PGM2: variants seen among roughly 807,000 people sequenced by gnomAD.
PGM2 encodes the protein phosphopentomutase.
PGM2 carries 57 observed loss-of-function variants against 74.6 expected under a neutral mutation model. The observed-to-expected ratio is 0.76, with a 90% CI of 0.62 to 0.95. The LOEUF is 0.95. Ranked by LOEUF, PGM2 falls within the 40% of genes least tolerant of loss-of-function variation. The probability of loss-of-function intolerance (pLI) is 0.00; values close to 1 mark genes in which losing one functional copy is unlikely to be tolerated. For synonymous variants in PGM2, 273 were observed against 260.7 expected (o/e 1.05, Z -0.46); for missense variants, 706 against 741.9 (o/e 0.95, Z 0.56).
chr4:37,846,962 T>C lies in PGM2; in HGVS notation c.1039T>C (p.Leu347=), dbSNP rs368033914. ...ATGGAGGGTGTTTTCAGGCAATGAG[T>C]TGGGGGCCCTCCTGGGCTGGTGGCT... The part of the protein sequence containing the change: ...GEWRVFSGNE[L]GALLGWWLFT... The change falls in exon 9 of 14, where the codon TTG becomes CTG. Residue 347 remains leucine, a synonymous_variant. Coordinates refer to ENST00000381967, the MANE Select transcript of PGM2 (RefSeq NM_018290.4). 1.5e-5 allele frequency: 25 copies of C among 1,613,402 alleles called. No individual in the cohort carries two copies. Among genetic ancestry groups the C allele is most frequent in the Non-Finnish European group, 1.9e-5 (23 of 1,179,766 alleles).
intron 2 of PGM2, among the ~76,000 whole-genome samples, chr4:37,833,719 A>G (rs924324063): frequency 2.6e-5 from 4 of 152,222 alleles, no homozygotes; most frequent in African/African-American, 9.6e-5. Context: ...TAAAACAGCA[A>G]ACACTTAATA....
chr4:37,850,450 A>G (rs1296035635), intron 12 of PGM2, 77 bp downstream of exon 12: 1 of 891,282 alleles, frequency 1.1e-6, no homozygotes, highest in African/African-American at 1.8e-5. Flanking sequence ...TTATTTAACC[A>G]TACAATTAAT....
rs550223723 is a variant in PGM2, at chr4:37,848,402, A to G, written c.1283-120A>G. The G allele has an allele frequency of 1.3e-4, 102 of 795,720 alleles. No homozygotes were observed. The African/African-American group carries it at 1.6e-3, about 13-fold the overall frequency. The allele number at this position is 795,720 out of a possible 1,614,324, so 49.3% of individuals were successfully genotyped here. On this transcript the variant is annotated intron_variant, in intron 10 of 13. Coordinates refer to ENST00000381967, the MANE Select transcript of PGM2 (RefSeq NM_018290.4). ...CTAAATTCCTAAACATAAGGTATTA[A>G]TGAGAAATGTGCATACACGCAACAC...
chr4:37,850,628 C>G (rs1409351005), intron 12 of PGM2, among the ~76,000 whole-genome samples: 3 of 151,994 alleles, frequency 2.0e-5, no homozygotes, highest in Non-Finnish European at 4.4e-5. Flanking sequence ...CGGCAAAACC[C>G]GGTCTCTATT....
chr4:37,855,628 C>T lies in PGM2; in HGVS notation c.1623C>T (p.Ser541=), dbSNP rs552157667. The change falls in exon 13 of 14, where the codon AGC becomes AGT. Residue 541 remains serine, a synonymous_variant. Transcript: ENST00000381967. The part of the protein sequence containing the change: ...DKKAVLPTSK[S]SQMITFTFAN... ...CCTAGGTTCTTCCCACTAGTAAAAG[C>T]AGCCAAATGATCACCTTCACCTTTG... 1 of 1,613,716 alleles carries T rather than the reference C, an allele frequency of 6.2e-7. No homozygotes were observed. The highest frequency in any genetic ancestry group is 1.7e-5 in the Admixed American group (1 of 59,938).
At chr4:37,830,500 T>C (rs1725412600) in intron 2 of PGM2, among the ~76,000 whole-genome samples, 1 of 152,232 alleles carries the variant, frequency 6.6e-6, no homozygotes, top group South Asian at 2.1e-4. Flanking sequence ...CATGATTACA[T>C]AGCAAGTGCT....
intron 2 of PGM2, 77 bp from the exon 3 acceptor site, chr4:37,834,541 T>C (rs1187751317): frequency 7.0e-6 from 5 of 719,182 alleles, no homozygotes; most frequent in Non-Finnish European, 1.2e-5. Flanking sequence ...GAAAACTTAA[T>C]TTTTGGCTAA....
At chr4:37,837,297 C>A (rs1725594316) in intron 3 of PGM2, among the ~76,000 whole-genome samples, 1 of 152,176 alleles carries the variant, frequency 6.6e-6, no homozygotes, top group Non-Finnish European at 1.5e-5. Flanking sequence ...GGGGCCTGAC[C>A]TTTCTTGGCT....
chr4:37,842,187 T>C (rs1725748033), intron 6 of PGM2, among the ~76,000 whole-genome samples: 1 of 147,100 alleles, frequency 6.8e-6, no homozygotes, highest in African/African-American at 2.5e-5. Context: ...TATATATACA[T>C]ATATGCATAT....
chr4:37,829,274 A>G (rs1725375494), intron 1 of PGM2, among the ~76,000 whole-genome samples: 2 of 152,200 alleles, frequency 1.3e-5, no homozygotes, highest in African/African-American at 4.8e-5. Flanking sequence ...AAGGCACTAG[A>G]TTAATGTTTA....
In PGM2 at chr4:37,840,947, A is replaced by AGTGT. The variant is rs201822410; in HGVS notation, c.719+703_719+706dup. On this transcript the variant is annotated intron_variant, in intron 6 of 13. Coordinates refer to ENST00000381967, the MANE Select transcript of PGM2 (RefSeq NM_018290.4). ...TGATTCATACATATTCATACATGTA[A>AGTGT]GTGTGTGTGTGTGTGTGTATATATA... 9.9e-3 allele frequency among the ~76,000 whole-genome samples: 752 copies of AGTGT among 75,850 alleles called. 24 individuals carry two copies. In the East Asian group the frequency reaches 0.11, roughly 11 times the overall value. The allele number at this position is 75,850 out of a possible 152,430, so 49.8% of individuals were successfully genotyped here. A position where few individuals can be genotyped will look rare whatever the true frequency, so the allele number is the denominator to read the frequency against.
chr4:37,836,864 T>G (rs1272653859), intron 3 of PGM2, among the ~76,000 whole-genome samples: 3 of 150,856 alleles, frequency 2.0e-5, no homozygotes, highest in South Asian at 2.1e-4. Context: ...TGTGTATGGG[T>G]GTGTGTGTGT....
chr4:37,830,236 G>T, intron 2 of PGM2, 105 bp downstream of exon 2: 1 of 793,070 alleles, frequency 1.3e-6, no homozygotes, highest in Non-Finnish European at 1.9e-6. Context: ...TACCAGCTTG[G>T]CTAGACACAG....
chr4:37,836,390 G>T (rs1019532141), intron 3 of PGM2, among the ~76,000 whole-genome samples: 1 of 152,208 alleles, frequency 6.6e-6, no homozygotes, highest in Non-Finnish European at 1.5e-5. Context: ...TGGAATCTTC[G>T]TAAGGAGTTG....
At chr4:37,839,818 T>C in intron 4 of PGM2, 30 bp from the exon 5 acceptor site, 2 of 1,291,754 alleles carry the variant, frequency 1.5e-6, no homozygotes, top group South Asian at 1.2e-5. Flanking sequence ...CGTTAAAAAC[T>C]GTTTGTTCTT....
Position 37,834,685 on chromosome 4 carries a change from A to G in PGM2, c.317A>G (p.Asp106Gly), listed in dbSNP as rs1298555562. ...LKQKGIVISF[D>G]ARAHPSSGGS... is the part of the protein sequence containing the mutation. Reference sequence around the variant, plus strand: ...CAGAAAGGCATCGTGATCAGTTTTGACGCCCGAGCTCATCCATCCAGTGGG... The same window carrying G: ...CAGAAAGGCATCGTGATCAGTTTTGGCGCCCGAGCTCATCCATCCAGTGGG... Residue 106 changes from aspartate (D) to glycine (G), a missense_variant, in exon 3 of 14, where the codon GAC becomes GGC. Physicochemically the swap from Asp to Gly is moderately conservative, Grantham distance 94. This residue lies in a region of PGM2 where 332 missense variants were observed against 334.9 expected (regional missense o/e 0.99). Transcript: ENST00000381967. The G allele has an allele frequency of 6.3e-7, 1 of 1,597,610 alleles. No homozygotes were observed.
intron 10 of PGM2, 33 bp downstream of exon 10, chr4:37,847,328 C>A: frequency 1.4e-6 from 2 of 1,468,996 alleles, no homozygotes; most frequent in Non-Finnish European, 1.9e-6. Flanking sequence ...AAGGAATTGG[C>A]TGCAAGGCAA....
chr4:37,837,013 C>G (rs1725585970), intron 3 of PGM2, among the ~76,000 whole-genome samples: 1 of 152,214 alleles, frequency 6.6e-6, no homozygotes. Flanking sequence ...GCACTGTTGA[C>G]ATGTGACTGC....
chr4:37,844,218 T>C, intron 6 of PGM2, 146 bp from the exon 7 acceptor site: 2 of 550,222 alleles, frequency 3.6e-6, no homozygotes, highest in Non-Finnish European at 6.5e-6. Flanking sequence ...AAGGAATATA[T>C]ATATCTGGGA....
Sources: allele counts gnomAD v4.1 joint callset (sites outside exome capture counted in the v4.1 genomes callset), GRCh38; gene constraint gnomAD v4.1.1; regional missense constraint gnomAD v4.1.1; transcripts MANE v1.5; gene names NCBI Gene and HGNC (gene_info 2026-07-23, HGNC 2026-07-21).